Variants in C2orf49 observed in about 807,000 individuals in gnomAD.
The protein encoded by C2orf49 is tRNA-splicing ligase complex subunit ASW.
In C2orf49, 11 loss-of-function variants were observed where a neutral mutation model predicts 20.6. The observed-to-expected ratio is 0.53, with a 90% CI of 0.34 to 0.88. C2orf49 has a LOEUF of 0.88. C2orf49 is among the 40% of genes least tolerant of loss of function. The probability of loss-of-function intolerance (pLI) is 0.02; values close to 1 mark genes in which losing one functional copy is unlikely to be tolerated. For synonymous variants in C2orf49, 134 were observed against 108.5 expected (o/e 1.24, Z -1.46); for missense variants, 289 against 274.2 (o/e 1.05, Z -0.38).
At chr2:105,375,517 A>T in the C2orf49 span, 4 of 152,362 alleles carry the variant, frequency 2.6e-5, no homozygotes, top group East Asian at 3.8e-4. Context: ...GCATGCCTTT[A>T]GTCCCAGCTA....
chr2:105,352,888 G>C (rs1013440012), downstream of C2orf49, among the ~76,000 whole-genome samples: 2 of 152,082 alleles, frequency 1.3e-5, no homozygotes, highest in African/African-American at 4.8e-5. Context: ...TTGAAGCCTA[G>C]AGAAACCCAT....
At chr2:105,361,310 C>G in the C2orf49 span, 1 of 1,614,034 alleles carries the variant, frequency 6.2e-7, no homozygotes, top group African/African-American at 1.3e-5. Context: ...AGTCGGGGCA[C>G]AGGATGTCGT....
the C2orf49 span, among the ~76,000 whole-genome samples, chr2:105,379,091 A>G: frequency 6.6e-6 from 1 of 152,186 alleles, no homozygotes; most frequent in African/African-American, 2.4e-5. Flanking sequence ...GTTCAATTCA[A>G]GGGCCCAAAT....
intron 3 of C2orf49, 123 bp downstream of exon 3, chr2:105,343,346 C>G: frequency 1.1e-6 from 1 of 895,654 alleles, no homozygotes; most frequent in Non-Finnish European, 1.6e-6. Flanking sequence ...GATGGTCTGT[C>G]TGATTTGTAT....
chr2:105,367,777 G>A, the C2orf49 span: 3 of 1,589,806 alleles, frequency 1.9e-6, no homozygotes, highest in Non-Finnish European at 2.6e-6. Context: ...CAGAGTTATG[G>A]TTAGAGGGGT....
At chr2:105,361,473 T>G in the C2orf49 span, 2 of 1,585,246 alleles carry the variant, frequency 1.3e-6, no homozygotes, top group Non-Finnish European at 1.7e-6. Flanking sequence ...TGAAGAAAGT[T>G]AGAATCAGGC....
chr2:105,340,715 GTGT>G (rs1188937891), intron 2 of C2orf49, among the ~76,000 whole-genome samples: 2 of 152,148 alleles, frequency 1.3e-5, no homozygotes, highest in Non-Finnish European at 2.9e-5. Flanking sequence ...TGATTAATCA[GTGT>G]TGTTGATTGG....
chr2:105,384,270 C>T, the C2orf49 span, among the ~76,000 whole-genome samples: 1 of 152,124 alleles, frequency 6.6e-6, no homozygotes, highest in Admixed American at 6.5e-5. Flanking sequence ...CTACTTCTTC[C>T]TCAAACTGGA....
the C2orf49 span, chr2:105,358,229 A>C: frequency 6.6e-6 from 1 of 152,238 alleles, no homozygotes; most frequent in Non-Finnish European, 1.5e-5. Flanking sequence ...TCCGTACCAA[A>C]TACCAGTCCC....
At chr2:105,364,868 C>A in the C2orf49 span, among the ~76,000 whole-genome samples, 2 of 152,160 alleles carry the variant, frequency 1.3e-5, no homozygotes, top group African/African-American at 4.8e-5. Flanking sequence ...AATGACGAAG[C>A]AGGAACTAGA....
chr2:105,346,884 A>G lies in C2orf49; in HGVS notation c.*1513A>G, dbSNP rs1483449109. The G allele has an allele frequency of 6.6e-6, 1 of 152,214 alleles. No homozygotes were observed. The highest frequency in any genetic ancestry group is 1.5e-5 in the Non-Finnish European group (1 of 68,030). 9.4% of individuals were successfully genotyped at this position (152,214 alleles called of 1,614,324 possible). On this transcript the variant is annotated 3_prime_UTR_variant, in exon 4 of 4. Coordinates refer to ENST00000258457, the MANE Select transcript of C2orf49 (RefSeq NM_024093.3). The stretch of plus-strand genomic sequence containing the variant: ...GGTTTACCTTATATTCATGAGTTCT[A>G]GTTTCTACTGTTCTGCTATGTGTTT...
At chr2:105,370,471 T>G in the C2orf49 span, among the ~76,000 whole-genome samples, 1 of 151,944 alleles carries the variant, frequency 6.6e-6, no homozygotes, top group Non-Finnish European at 1.5e-5. Context: ...GGTGCATCTG[T>G]AAGCAACGTC....
chr2:105,366,785 G>A, the C2orf49 span, among the ~76,000 whole-genome samples: 42 of 152,182 alleles, frequency 2.8e-4, no homozygotes, highest in African/African-American at 7.7e-4. Context: ...TCGCTCAGTC[G>A]CCCAGGCTGG....
At chr2:105,338,637 A>G (rs1428776840) in intron 1 of C2orf49, among the ~76,000 whole-genome samples, 1 of 152,182 alleles carries the variant, frequency 6.6e-6, no homozygotes, top group Non-Finnish European at 1.5e-5. Flanking sequence ...ATTCTCTGGG[A>G]ACGTTGTCCA....
At chr2:105,378,136 G>T in the C2orf49 span, 2 of 471,092 alleles carry the variant, frequency 4.2e-6, no homozygotes, top group South Asian at 3.1e-5. Context: ...ACATGGAAAA[G>T]CTGGCTAAGA....
chr2:105,352,053 C>T (rs1404315074), downstream of C2orf49, among the ~76,000 whole-genome samples: 1 of 152,198 alleles, frequency 6.6e-6, no homozygotes, highest in African/African-American at 2.4e-5. Flanking sequence ...CTACCAACCA[C>T]CGTCCATTTA....
the C2orf49 span, chr2:105,385,864 CCTT>C: frequency 5.7e-6 from 1 of 176,814 alleles, no homozygotes. Flanking sequence ...CAAATCCTGT[CCTT>C]CTCTCATTAA....
the C2orf49 span, among the ~76,000 whole-genome samples, chr2:105,382,174 C>A: frequency 6.6e-6 from 1 of 152,198 alleles, no homozygotes; most frequent in Non-Finnish European, 1.5e-5. Context: ...CTATTAGCTA[C>A]AAAAGCTGGA....
the C2orf49 span, among the ~76,000 whole-genome samples, chr2:105,383,264 G>A: frequency 3.3e-5 from 5 of 152,320 alleles, no homozygotes; most frequent in South Asian, 2.1e-4. Flanking sequence ...ATCAGTCTAC[G>A]AAAATATTTT....
Sources: allele counts gnomAD v4.1 joint callset (sites outside exome capture counted in the v4.1 genomes callset), GRCh38; gene constraint gnomAD v4.1.1; transcripts MANE v1.5; gene names NCBI Gene and HGNC (gene_info 2026-07-23, HGNC 2026-07-21).